DYRK4: variants seen among roughly 807,000 people sequenced by gnomAD.
The protein encoded by DYRK4 is dual specificity tyrosine-phosphorylation-regulated kinase 4.
DYRK4 carries 64 observed loss-of-function variants against 68.3 expected under a neutral mutation model. The observed-to-expected ratio is 0.94, with a 90% confidence interval of 0.77 to 1.15. DYRK4 has a LOEUF of 1.15. Ranked by LOEUF, DYRK4 falls within the 50% of genes most tolerant of loss-of-function variation. The probability of loss-of-function intolerance (pLI) is 0.00; values close to 1 mark genes in which losing one functional copy is unlikely to be tolerated. For synonymous variants in DYRK4, 274 were observed against 289.9 expected (o/e 0.95, Z 0.56); for missense variants, 740 against 764.7 (o/e 0.97, Z 0.38).
intron 10 of DYRK4, among the ~76,000 whole-genome samples, chr12:4,604,063 G>A (rs1222844692): frequency 2.0e-5 from 3 of 152,030 alleles, no homozygotes; most frequent in Non-Finnish European, 4.4e-5. Context: ...TTAAATTGGA[G>A]GCAATAATAC....
intron 3 of DYRK4, 34 bp from the exon 4 acceptor site, chr12:4,590,296 G>C: frequency 1.3e-5 from 20 of 1,519,788 alleles, no homozygotes; most frequent in Non-Finnish European, 1.8e-5. Flanking sequence ...CTTGCCTAAG[G>C]CTTTTGTAAC....
At chr12:4,563,727 A>C (rs1023142787) in intron 1 of DYRK4, among the ~76,000 whole-genome samples, 1 of 152,254 alleles carries the variant, frequency 6.6e-6, no homozygotes, top group Non-Finnish European at 1.5e-5. Context: ...CCTGGAGATG[A>C]GGAGATGCAA....
In DYRK4 at chr12:4,613,690, C is replaced by G. The variant is rs1238344841; in HGVS notation, c.1842C>G (p.Thr614=). Residue 614 remains threonine, a synonymous_variant, in exon 15 of 15, where the codon ACC becomes ACG. Transcript: ENST00000543431. This position sits in a 1 kb window ranked among gnomAD's most constrained non-coding sequence, Gnocchi z 4.0. ...EAAVGAEVSM[T]SPGQSKNFSL... ...CTGTCGGGGCGGAGGTGTCCATGAC[C>G]TCCCCAGGACAGAGCAAAAACTTCT... 6.3e-7 allele frequency: 1 copy of G among 1,594,230 alleles called. No homozygotes were observed.
chr12:4,604,941 A>C lies in DYRK4; in HGVS notation c.1154A>C (p.Tyr385Ser), dbSNP rs759669084. The C allele has an allele frequency of 1.2e-6, 2 of 1,611,674 alleles. No individual in the cohort carries two copies. The highest frequency in any genetic ancestry group is 4.5e-5 in the East Asian group (2 of 44,704). Residue 385 changes from tyrosine (Y) to serine (S), a missense_variant, in exon 11 of 15, where the codon TAC becomes TCC. Around this residue, in one of 3 missense-constraint regions of DYRK4, gnomAD observed 614 missense variants for 603.7 expected, o/e 1.02. Coordinates refer to ENST00000543431, the MANE Select transcript of DYRK4 (RefSeq NM_001394779.1). ...KVYTYIQSRFYRSPEVILGHP... is the reference protein window; with the variant it reads ...KVYTYIQSRFSRSPEVILGHP... ...TACACGTACATCCAAAGCCGGTTCT[A>C]CCGATCCCCAGAAGTGATCCTGGGC... is the stretch of plus-strand genomic sequence containing the variant.
At position 4,592,294 on chromosome 12, in the gene DYRK4, G is replaced by GTT. The variant is rs551494463; in HGVS notation, c.464-707_464-706dup. Among the ~76,000 whole-genome samples the GTT allele has an allele frequency of 4.8e-3, 725 of 152,250 alleles. 5 individuals are homozygous for GTT. Among genetic ancestry groups the GTT allele is most frequent in the African/African-American group, 0.016 (657 of 41,526 alleles). ...TCACATATATGAAAACAGAAGTCTT[G>GTT]TTCCCTATAAGTCTTTTTCTTTTTC... On this transcript the variant is annotated intron_variant, in intron 5 of 14. Transcript: ENST00000543431.
At position 4,572,901 on chromosome 12, in the gene DYRK4, G is replaced by A. The variant is rs576994035; in HGVS notation, c.132+4853G>A. ...CAGTGAGTGTCACACAGTGGAAGAGGATATCCGACGGTCATTCATTGTCTC... is the reference window on the plus strand; with the variant it reads ...CAGTGAGTGTCACACAGTGGAAGAGAATATCCGACGGTCATTCATTGTCTC... On this transcript the variant is annotated intron_variant, in intron 2 of 14. Transcript: ENST00000543431. 2.4e-5 allele frequency: 5 copies of A among 206,364 alleles called. No homozygotes were observed. In the South Asian group the frequency reaches 3.0e-4, roughly 13 times the overall value. The allele number at this position is 206,364 out of a possible 1,614,324, so 12.8% of individuals were successfully genotyped here. A position where few individuals can be genotyped will look rare whatever the true frequency, so the allele number is the denominator to read the frequency against.
intron 12 of DYRK4, among the ~76,000 whole-genome samples, chr12:4,607,843 AC>A (rs1391868025): frequency 4.6e-5 from 7 of 152,082 alleles, no homozygotes; most frequent in African/African-American, 1.7e-4. Context: ...TATCCTCCAG[AC>A]CTTACTGTGC....
chr12:4,569,413 G>A (rs779755059), intron 2 of DYRK4, among the ~76,000 whole-genome samples: 37 of 152,288 alleles, frequency 2.4e-4, no homozygotes, highest in Middle Eastern at 3.4e-3. Context: ...AAATCATCAT[G>A]AGGTTTGCAA....
chr12:4,580,082 AT>A (rs1432431119), intron 2 of DYRK4, among the ~76,000 whole-genome samples: 20 of 152,306 alleles, frequency 1.3e-4, no homozygotes, highest in South Asian at 2.1e-4. Context: ...CATTATCATG[AT>A]TTACCAAGGT....
At chr12:4,565,531 C>G (rs769918404) in intron 1 of DYRK4, among the ~76,000 whole-genome samples, 1 of 152,170 alleles carries the variant, frequency 6.6e-6, no homozygotes, top group Admixed American at 6.5e-5. Context: ...CATGATTCCT[C>G]AGCGTTTCCT....
At chr12:4,604,222 C>G (rs1945113925) in intron 10 of DYRK4, among the ~76,000 whole-genome samples, 1 of 152,160 alleles carries the variant, frequency 6.6e-6, no homozygotes, top group Non-Finnish European at 1.5e-5. Context: ...CAAAGTACCA[C>G]AAACACATTT....
intron 2 of DYRK4, among the ~76,000 whole-genome samples, chr12:4,587,480 G>C (rs1214374023): frequency 6.6e-6 from 1 of 152,080 alleles, no homozygotes; most frequent in Admixed American, 6.6e-5. Context: ...TATCTGTCCA[G>C]TCTCCCTACC....
At chr12:4,596,067 G>C in intron 6 of DYRK4, 82 bp from the exon 7 acceptor site, 1 of 1,477,248 alleles carries the variant, frequency 6.8e-7, no homozygotes. Context: ...CCATAATCTG[G>C]GGATGGGAAT....
chr12:4,605,729 GTTTTTTTTTTTTTT>G (rs58963826), intron 11 of DYRK4, among the ~76,000 whole-genome samples: 1 of 102,106 alleles, frequency 9.8e-6, no homozygotes, highest in South Asian at 3.0e-4. Context: ...ATAGAGCTGG[GTTTTTTTTTTTTTT>G]TTTTTTTTTT....
In DYRK4 at chr12:4,566,030, A is replaced by G. The variant is rs140085121; in HGVS notation, c.39-1925A>G. ...AAATTTTTGTGTTCATTTTTGCCCAATGTTGCGATTTTACAAATCCCATGT... is the reference window on the plus strand; with the variant it reads ...AAATTTTTGTGTTCATTTTTGCCCAGTGTTGCGATTTTACAAATCCCATGT... On this transcript the variant is annotated intron_variant, in intron 1 of 14. Coordinates refer to ENST00000543431, the MANE Select transcript of DYRK4 (RefSeq NM_001394779.1). Among the ~76,000 whole-genome samples the G allele has an allele frequency of 3.1e-3, 465 of 152,272 alleles. 3 individuals carry two copies. Among genetic ancestry groups the G allele is most frequent in the Non-Finnish European group, 5.5e-3 (376 of 68,014 alleles).
At chr12:4,610,345 C>T (rs1047382563) in intron 13 of DYRK4, 61 bp downstream of exon 13, 17 of 1,427,394 alleles carry the variant, frequency 1.2e-5, no homozygotes, top group South Asian at 3.2e-5. Context: ...CTTTGACACA[C>T]GTTTGCTGGT....
intron 2 of DYRK4, among the ~76,000 whole-genome samples, chr12:4,577,566 A>T (rs1402571001): frequency 6.6e-6 from 1 of 152,202 alleles, no homozygotes; most frequent in Non-Finnish European, 1.5e-5. Flanking sequence ...TTGGGTCATC[A>T]GTCCTCTAAC....
intron 13 of DYRK4, 25 bp downstream of exon 13, chr12:4,610,309 T>TTCTGGGTTTCC (rs770341156): frequency 1.1e-5 from 17 of 1,506,234 alleles, no homozygotes; most frequent in Admixed American, 7.2e-5. Context: ...ACATCTCTGC[T>TTCTGGGTTTCC]TCTGGGTTTC....
rs926579845 is a variant in DYRK4, at chr12:4,609,113, G to A, written c.1361-1042G>A. Among the ~76,000 whole-genome samples the A allele has an allele frequency of 4.6e-5, 7 of 152,172 alleles. No individual in the cohort carries two copies. The East Asian group carries it at 1.3e-3, about 29-fold the overall frequency. On this transcript the variant is annotated intron_variant, in intron 12 of 14. Transcript: ENST00000543431. ...TTCGTAGGAACGTACTAAAGACATAGGCATGTCTACTTCATAGAGTTCCTT... is the reference window on the plus strand; with the variant it reads ...TTCGTAGGAACGTACTAAAGACATAAGCATGTCTACTTCATAGAGTTCCTT...
Sources: allele counts gnomAD v4.1 joint callset (sites outside exome capture counted in the v4.1 genomes callset), GRCh38; gene constraint gnomAD v4.1.1; regional missense constraint gnomAD v4.1.1; non-coding constraint Gnocchi (gnomAD v3.1); transcripts MANE v1.5; gene names NCBI Gene and HGNC (gene_info 2026-07-23, HGNC 2026-07-21).